Variants in NMT2 observed in about 807,000 individuals in gnomAD.
NMT2 encodes glycylpeptide N-tetradecanoyltransferase 2.
NMT2 carries 35 observed loss-of-function variants against 65.4 expected under a neutral mutation model. The observed-to-expected ratio is 0.54, with a 90% CI of 0.41 to 0.71. The LOEUF (loss-of-function observed/expected upper bound fraction) is 0.71, where lower values mean the gene tolerates loss of function less well. NMT2 is among the 30% of genes least tolerant of loss of function. The pLI is 0.00. For synonymous variants in NMT2, 226 were observed against 231.8 expected (o/e 0.98, Z 0.23); for missense variants, 489 against 611.3 (o/e 0.80, Z 2.11).
At chr10:15,119,570 G>T in intron 8 of NMT2, 57 bp from the exon 9 acceptor site, 1 of 1,485,180 alleles carries the variant, frequency 6.7e-7, no homozygotes, top group South Asian at 1.2e-5. Context: ...GGAGTGAAAC[G>T]ACTTTGCACT....
rs778375364 is a variant in NMT2, at chr10:15,133,252, G to T, written c.503C>A (p.Ala168Asp). The T allele has an allele frequency of 6.2e-7, 1 of 1,613,150 alleles. No individual in the cohort carries two copies. Among genetic ancestry groups the T allele is most frequent in the Non-Finnish European group, 8.5e-7 (1 of 1,179,116 alleles). The change falls in exon 4 of 12, where the codon GCC becomes GAC. Residue 168 changes from alanine to aspartate, a missense_variant. Transcript: ENST00000378165. The stretch of plus-strand genomic sequence containing the variant: ...AGGTTTTTACTCACTCACCACTTCG[G>T]CATCACTCAAGTCTAAAGTGTCCCA... Reference protein sequence around the residue: ...FMWDTLDLSDAEVLKELYTLL... With the variant: ...FMWDTLDLSDDEVLKELYTLL...
At position 15,106,587 on chromosome 10, in the gene NMT2, C is replaced by G; in HGVS notation, c.*2608G>C. 2 of 965,794 alleles carry G rather than the reference C, an allele frequency of 2.1e-6. No homozygotes were observed. Among genetic ancestry groups the G allele is most frequent in the East Asian group, 1.1e-4 (1 of 8,718 alleles). The allele number at this position is 965,794 out of a possible 1,614,324, so 59.8% of individuals were successfully genotyped here. A position where few individuals can be genotyped will look rare whatever the true frequency, so the allele number is the denominator to read the frequency against. ...TGTACTACTGTGGGGCCCAGTCGCC[C>G]TCTGGTGGTAGTCTCAGGGATGTCA... On this transcript the variant is annotated 3_prime_UTR_variant, in exon 12 of 12. Transcript: ENST00000378165.
At chr10:15,163,193 T>C (rs903326002) in intron 1 of NMT2, among the ~76,000 whole-genome samples, 1 of 152,200 alleles carries the variant, frequency 6.6e-6, no homozygotes, top group Non-Finnish European at 1.5e-5. Context: ...ATGACAGGCA[T>C]GAGCCACCAC....
chr10:15,131,320 T>C (rs1377691164), intron 6 of NMT2, among the ~76,000 whole-genome samples: 1 of 151,594 alleles, frequency 6.6e-6, no homozygotes, highest in Non-Finnish European at 1.5e-5. Context: ...TCCTTTTTTT[T>C]TTTTTTCCTT....
chr10:15,106,651 G>C lies in NMT2; in HGVS notation c.*2544C>G. ...GTCTTTAGAATCACGGCAACCTATA[G>C]AAAGGAGAGTTCCAACTCCTTCGTA... On this transcript the variant is annotated 3_prime_UTR_variant, in exon 12 of 12. Transcript: ENST00000378165. 1 of 985,452 alleles carries C rather than the reference G, an allele frequency of 1.0e-6. No individual in the cohort carries two copies. The highest frequency in any genetic ancestry group is 1.2e-6 in the Non-Finnish European group (1 of 829,938). 61.0% of individuals were successfully genotyped at this position (985,452 alleles called of 1,614,324 possible).
intron 9 of NMT2, among the ~76,000 whole-genome samples, chr10:15,114,183 A>T (rs956747423): frequency 8.5e-5 from 13 of 152,246 alleles, no homozygotes; most frequent in Non-Finnish European, 1.5e-4. Context: ...AGGTTTAATA[A>T]GGATTTTAGA....
intron 1 of NMT2, among the ~76,000 whole-genome samples, chr10:15,143,230 T>TTAC (rs1846837134): frequency 1.3e-5 from 2 of 152,200 alleles, no homozygotes; most frequent in Non-Finnish European, 2.9e-5. Flanking sequence ...TATTGAACAT[T>TTAC]TACTATGTGT....
rs1410115615 is a variant in NMT2, at chr10:15,106,536, T to G, written c.*2659A>C. 2.0e-6 allele frequency: 1 copy of G among 495,640 alleles called. No homozygotes were observed. The highest frequency in any genetic ancestry group is 2.6e-6 in the Non-Finnish European group (1 of 382,248). 30.7% of individuals were successfully genotyped at this position (495,640 alleles called of 1,614,324 possible). Reference sequence around the variant, plus strand: ...ACCATCTGAAATTCCAAGTCTTCCATTATCTCCAAGAGAGGTCCTATATTA... The same window carrying G: ...ACCATCTGAAATTCCAAGTCTTCCAGTATCTCCAAGAGAGGTCCTATATTA... On this transcript the variant is annotated 3_prime_UTR_variant, in exon 12 of 12. Transcript: ENST00000378165.
In NMT2 at chr10:15,108,046, C is replaced by T. The variant is rs1845367594; in HGVS notation, c.*1149G>A. ...ATTCAAACTATCAATGCCCTGATAG[C>T]ACGAATAAGTTCCACCAGGCATCTC... On this transcript the variant is annotated 3_prime_UTR_variant, in exon 12 of 12. Transcript: ENST00000378165. 3 of 985,754 alleles carry T rather than the reference C, an allele frequency of 3.0e-6. No homozygotes were observed. The highest frequency in any genetic ancestry group is 2.4e-6 in the Non-Finnish European group (2 of 829,892). 61.1% of individuals were successfully genotyped at this position (985,754 alleles called of 1,614,324 possible). A position where few individuals can be genotyped will look rare whatever the true frequency, so the allele number is the denominator to read the frequency against.
chr10:15,131,246 G>A (rs1318601473), intron 6 of NMT2, among the ~76,000 whole-genome samples: 1 of 151,706 alleles, frequency 6.6e-6, no homozygotes, highest in Admixed American at 6.6e-5. Context: ...TACATTTTGG[G>A]ACTTTGGTCC....
intron 1 of NMT2, among the ~76,000 whole-genome samples, chr10:15,151,977 G>A (rs560899815): frequency 6.6e-6 from 1 of 152,366 alleles, no homozygotes; most frequent in African/African-American, 2.4e-5. Flanking sequence ...AGTGAGCCAA[G>A]ATCGTGCCAC....
intron 7 of NMT2, 148 bp from the exon 8 acceptor site, chr10:15,128,606 C>T (rs545741295): frequency 6.6e-6 from 4 of 604,860 alleles, no homozygotes; most frequent in East Asian, 2.8e-5. Context: ...TCATTTTATC[C>T]GTCCAGTTTT....
intron 3 of NMT2, among the ~76,000 whole-genome samples, chr10:15,134,967 T>C (rs911331426): frequency 6.6e-6 from 1 of 152,022 alleles, no homozygotes; most frequent in African/African-American, 2.4e-5. Context: ...GCCTGGGTGA[T>C]AGAGTGAGAC....
chr10:15,136,681 A>T (rs907672259), intron 2 of NMT2, among the ~76,000 whole-genome samples: 3 of 152,132 alleles, frequency 2.0e-5, no homozygotes, highest in African/African-American at 7.2e-5. Context: ...TTTCCTCTGT[A>T]CTTCAGATCC....
In NMT2 at chr10:15,128,334, A is replaced by C; in HGVS notation, c.999+16T>G. 1 of 1,428,188 alleles carries C rather than the reference A, an allele frequency of 7.0e-7. No individual in the cohort carries two copies. The highest frequency in any genetic ancestry group is 1.7e-5 in the Admixed American group (1 of 59,004). The allele number at this position is 1,428,188 out of a possible 1,614,324, so 88.5% of individuals were successfully genotyped here. On this transcript the variant is annotated intron_variant, in intron 8 of 11. Transcript: ENST00000378165. ...GTTGTTACAGCTTCAAAAAACTGCA[A>C]ATCATTCTTACTTACATCTGGAAGT...
chr10:15,112,202 ATATATATATATATATTTTTTT>A (rs1845562773), intron 10 of NMT2, among the ~76,000 whole-genome samples: 1 of 16,490 alleles, frequency 6.1e-5, no homozygotes, highest in East Asian at 1.7e-3. Flanking sequence ...ATATATATAT[ATATATATATATATATTTTTTT>A]TTTTTTTTTT....
intron 3 of NMT2, among the ~76,000 whole-genome samples, chr10:15,133,832 C>T (rs889173762): frequency 1.3e-5 from 2 of 152,140 alleles, no homozygotes; most frequent in Non-Finnish European, 2.9e-5. Flanking sequence ...AAGTGATCCT[C>T]CCACCTCAGC....
chr10:15,119,619 C>A (rs890914238), intron 8 of NMT2, 106 bp from the exon 9 acceptor site: 2 of 877,756 alleles, frequency 2.3e-6, no homozygotes, highest in African/African-American at 1.7e-5. Flanking sequence ...GAGCAGCACG[C>A]GGGAGCTAGT....
chr10:15,143,922 C>A (rs1846866487), intron 1 of NMT2, among the ~76,000 whole-genome samples: 1 of 152,140 alleles, frequency 6.6e-6, no homozygotes, highest in African/African-American at 2.4e-5. Flanking sequence ...CTCATGGAAA[C>A]TTGAGGGGAT....
Sources: gnomAD v4.1 joint callset for allele counts (sites outside exome capture counted in the v4.1 genomes callset) on GRCh38, gnomAD v4.1.1 for gene constraint, MANE v1.5 for transcripts, NCBI Gene and HGNC (gene_info 2026-07-23, HGNC 2026-07-21) for gene names.